VAV2: variants seen among roughly 807,000 people sequenced by gnomAD.
VAV2 encodes the protein vav guanine nucleotide exchange factor 2.
In VAV2, 67 loss-of-function variants were observed where a neutral mutation model predicts 132.5. The observed-to-expected ratio is 0.51, with a 90% CI of 0.42 to 0.62. The LOEUF (loss-of-function observed/expected upper bound fraction) is 0.62, where lower values mean the gene tolerates loss of function less well. Ranked by LOEUF, VAV2 falls within the 20% of genes least tolerant of loss-of-function variation. The probability of loss-of-function intolerance (pLI) is 0.00; values close to 1 mark genes in which losing one functional copy is unlikely to be tolerated. For synonymous variants in VAV2, 492 were observed against 443.5 expected (o/e 1.11, Z -1.37); for missense variants, 938 against 1,153.6 (o/e 0.81, Z 2.71).
At chr9:133,786,137 G>T (rs987750234) in intron 16 of VAV2, among the ~76,000 whole-genome samples, 1 of 152,232 alleles carries the variant, frequency 6.6e-6, no homozygotes, top group Non-Finnish European at 1.5e-5. Flanking sequence ...ATACATATGC[G>T]CTTGTGCCTT....
intron 2 of VAV2, 87 bp downstream of exon 2, chr9:133,939,016 G>T: frequency 8.1e-7 from 1 of 1,238,388 alleles, no homozygotes; most frequent in Non-Finnish European, 1.2e-6. Context: ...CAATCAGGCT[G>T]CTCCATGGAT....
chr9:133,834,967 C>A lies in VAV2; in HGVS notation c.381-627G>T. Among the ~76,000 whole-genome samples the A allele has an allele frequency of 6.6e-6, 1 of 152,170 alleles. No homozygotes were observed. Among genetic ancestry groups the A allele is most frequent in the Non-Finnish European group, 1.5e-5 (1 of 68,036 alleles). On this transcript the variant is annotated intron_variant, in intron 3 of 29. Transcript: ENST00000371850. The surrounding 1 kb of genome is among the most constrained non-coding windows in gnomAD (Gnocchi z 5.9). ...GGGAGCAGAAGCCCCATGGGGTCTCCCCAGAAGGAACGCGGCGGTGCTCCC... is the reference window on the plus strand; with the variant it reads ...GGGAGCAGAAGCCCCATGGGGTCTCACCAGAAGGAACGCGGCGGTGCTCCC...
intron 9 of VAV2, among the ~76,000 whole-genome samples, chr9:133,801,114 A>C (rs1032586220): frequency 2.8e-4 from 42 of 152,280 alleles, no homozygotes; most frequent in African/African-American, 9.4e-4. Context: ...AGGCACTCAC[A>C]CACGGCTGTG....
Position 133,789,206 on chromosome 9 carries a change from G to A in VAV2, c.1274+52C>T. 2.5e-6 allele frequency: 4 copies of A among 1,600,978 alleles called. No homozygotes were observed. The South Asian group carries it at 3.3e-5, about 13-fold the overall frequency. ...CTTAGGAGTGGCTCCCTGGGAGGGA[G>A]AGCCAGACCCTGGCGGGACGCCACC... On this transcript the variant is annotated intron_variant, in intron 14 of 29. Transcript: ENST00000371850.
chr9:133,963,689 C>T (rs916538398), intron 1 of VAV2, among the ~76,000 whole-genome samples: 3 of 152,150 alleles, frequency 2.0e-5, no homozygotes, highest in Non-Finnish European at 4.4e-5. Context: ...CAAGGACTGT[C>T]ACACGTGAAA....
chr9:133,880,887 G>A (rs1838464508), intron 2 of VAV2, among the ~76,000 whole-genome samples: 1 of 152,264 alleles, frequency 6.6e-6, no homozygotes, highest in Admixed American at 6.5e-5. Flanking sequence ...GGCCCTCCAG[G>A]ACACTGGCCG....
rs200893753 is a variant in VAV2, at chr9:133,933,610, C to T, written c.321+5493G>A. On this transcript the variant is annotated intron_variant, in intron 2 of 29. Transcript: ENST00000371850. ...ATGGACAAATGGATGGGTGGAAGGA[C>T]GAGTAAATGAGTGGGTGGATGGATG... is the stretch of plus-strand genomic sequence containing the variant. Among the ~76,000 whole-genome samples, 12 of 125,676 alleles carry T rather than the reference C, an allele frequency of 9.5e-5. No individual in the cohort carries two copies. In the East Asian group the frequency reaches 1.2e-3, roughly 13 times the overall value. 82.4% of individuals were successfully genotyped at this position (125,676 alleles called of 152,430 possible). A position where few individuals can be genotyped will look rare whatever the true frequency, so the allele number is the denominator to read the frequency against.
chr9:133,938,597 CA>C (rs1310420721), intron 2 of VAV2, among the ~76,000 whole-genome samples: 2 of 152,094 alleles, frequency 1.3e-5, no homozygotes, highest in Non-Finnish European at 2.9e-5. Context: ...CCTCTTTGCC[CA>C]ATACCTTCCC....
rs796395933 is a variant in VAV2, at chr9:133,958,067, G to C, written c.205-18848C>G. On this transcript the variant is annotated intron_variant, in intron 1 of 29. Coordinates refer to ENST00000371850, the MANE Select transcript of VAV2 (RefSeq NM_001134398.2). ...AAGTACCCAGGGACACAAACACTGC[G>C]GAAGGCCGCAGGGACCTCTGCCTAG... Among the ~76,000 whole-genome samples, 38 of 143,326 alleles carry C rather than the reference G, an allele frequency of 2.7e-4. 2 individuals carry two copies. Among genetic ancestry groups the C allele is most frequent in the African/African-American group, 8.7e-4 (35 of 40,156 alleles). 94.0% of individuals were successfully genotyped at this position (143,326 alleles called of 152,430 possible).
rs1014251733 is a variant in VAV2 at position 133,763,500 on chromosome 9, T to A, written c.*562A>T. ...TGCAGAGGGCGACCACAGTGCTCTC[T>A]CCTCCCGCGCCCTAGCACAGTGGGG... On this transcript the variant is annotated 3_prime_UTR_variant, in exon 30 of 30. Transcript: ENST00000371850. The surrounding 1 kb of genome is among the most constrained non-coding windows in gnomAD (Gnocchi z 6.8). The A allele has an allele frequency of 1.3e-5, 2 of 153,548 alleles. No individual in the cohort carries two copies. Among genetic ancestry groups the A allele is most frequent in the African/African-American group, 4.8e-5 (2 of 41,398 alleles). 9.5% of individuals were successfully genotyped at this position (153,548 alleles called of 1,614,324 possible). A position where few individuals can be genotyped will look rare whatever the true frequency, so the allele number is the denominator to read the frequency against.
intron 2 of VAV2, among the ~76,000 whole-genome samples, chr9:133,868,853 T>C (rs10821527): frequency 0.25 from 37,950 of 152,138 alleles, 7,016 homozygotes; most frequent in African/African-American, 0.52. Context: ...CCCAGAACAA[T>C]GACCCAGGTG....
In VAV2 at chr9:133,958,680, A is replaced by T. The variant is rs139511000; in HGVS notation, c.205-19461T>A. Among the ~76,000 whole-genome samples the T allele has an allele frequency of 4.0e-4, 61 of 152,050 alleles. 1 individual carries two copies. The highest frequency in any genetic ancestry group is 7.5e-4 in the Non-Finnish European group (51 of 67,960). On this transcript the variant is annotated intron_variant, in intron 1 of 29. Coordinates refer to ENST00000371850, the MANE Select transcript of VAV2 (RefSeq NM_001134398.2). ...TTGTATCTGTGTCTTTTTCTTTTCCAAGTCTCTCGTTCCACCTTACGAGAA... is the reference window on the plus strand; with the variant it reads ...TTGTATCTGTGTCTTTTTCTTTTCCTAGTCTCTCGTTCCACCTTACGAGAA...
At chr9:133,837,305 A>T (rs1002093987) in intron 3 of VAV2, among the ~76,000 whole-genome samples, 46 of 152,320 alleles carry the variant, frequency 3.0e-4, no homozygotes, top group African/African-American at 1.0e-3. Flanking sequence ...ATGCCTCGTT[A>T]GGGCCTAAGA....
At chr9:133,774,874 GCTCTCCA>G in intron 25 of VAV2, 54 bp downstream of exon 25, 4 of 1,427,816 alleles carry the variant, frequency 2.8e-6, no homozygotes, top group Non-Finnish European at 3.9e-6. Flanking sequence ...AGAGGATGGT[GCTCTCCA>G]CTTCAGAACG....
chr9:133,880,143 G>C (rs1278947654), intron 2 of VAV2, among the ~76,000 whole-genome samples: 1 of 121,746 alleles, frequency 8.2e-6, no homozygotes, highest in Non-Finnish European at 1.9e-5. Context: ...TGCAGGAAGA[G>C]GGGCTAGGCA....
intron 16 of VAV2, 117 bp from the exon 17 acceptor site, chr9:133,786,002 AGGTG>A: frequency 2.4e-6 from 2 of 825,134 alleles, no homozygotes. Flanking sequence ...ATATGTGCAC[AGGTG>A]CCTGTGCCTG....
chr9:133,893,649 C>T lies in VAV2; in HGVS notation c.322-32217G>A, dbSNP rs370556275. Among the ~76,000 whole-genome samples, 15 of 152,358 alleles carry T rather than the reference C, an allele frequency of 9.8e-5. No individual in the cohort carries two copies. In the East Asian group the frequency reaches 2.9e-3, roughly 29 times the overall value. ...GGTGCCTGCAGAACAGGGGCGAGCA[C>T]CCAGCCCAGCCAAGGCCAGGAGGAG... On this transcript the variant is annotated intron_variant, in intron 2 of 29. Transcript: ENST00000371850.
intron 23 of VAV2, 28 bp from the exon 24 acceptor site, chr9:133,776,108 G>A (rs760732708): frequency 1.8e-5 from 29 of 1,610,560 alleles, no homozygotes; most frequent in Middle Eastern, 1.6e-4. Flanking sequence ...GAGTGTTAAC[G>A]GCCCCCCAGG....
In VAV2 at chr9:133,788,382, TC is replaced by T. The variant is rs1834318862; in HGVS notation, c.1378del (p.Asp460ThrfsTer3). 6.2e-7 allele frequency: 1 copy of T among 1,610,524 alleles called. No individual in the cohort carries two copies. Among genetic ancestry groups the T allele is most frequent in the African/African-American group, 1.3e-5 (1 of 74,796 alleles). ...IELLFHKMTD[D>X]PMNNKDVKKS... ...CTTGACGTCCTTGTTGTTCATGGGGTCGTCGGTCATCTTGTGGAACAGCAGC... is the reference window on the plus strand; with the variant it reads ...CTTGACGTCCTTGTTGTTCATGGGGTGTCGGTCATCTTGTGGAACAGCAGC... On this transcript the variant is annotated frameshift_variant, in exon 15 of 30. Transcript: ENST00000371850. LOFTEE classifies it high-confidence loss of function. This position sits in a 1 kb window ranked among gnomAD's most constrained non-coding sequence, Gnocchi z 5.3.
Sources: gnomAD v4.1 joint callset for allele counts (sites outside exome capture counted in the v4.1 genomes callset) on GRCh38, gnomAD v4.1.1 for gene constraint, Gnocchi (gnomAD v3.1) non-coding constraint, MANE v1.5 for transcripts, NCBI Gene and HGNC (gene_info 2026-07-23, HGNC 2026-07-21) for gene names.